Variants in VIPR1 observed in about 807,000 individuals in gnomAD.
The protein encoded by VIPR1 is vasoactive intestinal polypeptide receptor 1.
A neutral mutation model predicts 58.8 loss-of-function variants in VIPR1; 59 were observed. The observed-to-expected ratio is 1.00, with a 90% CI of 0.81 to 1.25. The LOEUF (loss-of-function observed/expected upper bound fraction) is 1.25, where lower values mean the gene tolerates loss of function less well. Ranked by LOEUF, VIPR1 falls within the 50% of genes most tolerant of loss-of-function variation. VIPR1 has a pLI of 0.00. For synonymous variants in VIPR1, 251 were observed against 242.1 expected (o/e 1.04, Z -0.34); for missense variants, 626 against 602.7 (o/e 1.04, Z -0.40).
At chr3:42,523,604 TAC>T (rs60726747) in intron 3 of VIPR1, among the ~76,000 whole-genome samples, 6,763 of 129,504 alleles carry the variant, frequency 0.052, 184 homozygotes, top group Middle Eastern at 0.078. Flanking sequence ...CCTCCGCCAC[TAC>T]ACACACACAC....
At chr3:42,525,844 C>A (rs772561807) in intron 3 of VIPR1, 43 bp from the exon 4 acceptor site, 5 of 1,543,022 alleles carry the variant, frequency 3.2e-6, no homozygotes, top group Non-Finnish European at 2.6e-6. Flanking sequence ...GGTCCCCATG[C>A]TCCCGGCCTC....
chr3:42,494,608 A>G lies in VIPR1; in HGVS notation c.-245+4930A>G, dbSNP rs138107007. ...TGGAACTATGTCCTTTCTCTTGTAT[A>G]TTTCCACTTTCACTTGTGATCAGCC... On this transcript the variant is annotated intron_variant, in intron 1 of 13. Transcript: ENST00000433647. Among the ~76,000 whole-genome samples the G allele has an allele frequency of 2.8e-4, 43 of 152,280 alleles. No individual in the cohort carries two copies. The East Asian group carries it at 7.7e-3, about 27-fold the overall frequency.
At chr3:42,512,571 C>T (rs1454641103) in intron 1 of VIPR1, among the ~76,000 whole-genome samples, 5 of 152,148 alleles carry the variant, frequency 3.3e-5, no homozygotes, top group African/African-American at 4.8e-5. Flanking sequence ...ATCTCTAAGT[C>T]GGCAGGGGAG....
intron 2 of VIPR1, 40 bp downstream of exon 2, chr3:42,513,894 G>A: frequency 6.5e-7 from 1 of 1,534,116 alleles, no homozygotes; most frequent in Non-Finnish European, 8.8e-7. Context: ...CATGCCCCCA[G>A]GGAGCCCAAG....
chr3:42,514,896 C>A (rs890787873), intron 2 of VIPR1, among the ~76,000 whole-genome samples: 1 of 152,196 alleles, frequency 6.6e-6, no homozygotes. Context: ...CCACTTGAAC[C>A]AGACTTGGAG....
At position 42,502,875 on chromosome 3, in the gene VIPR1, G is replaced by A. The variant is rs921738974; in HGVS notation, c.78+62G>A. 8 of 1,170,836 alleles carry A rather than the reference G, an allele frequency of 6.8e-6. No homozygotes were observed. The South Asian group carries it at 1.2e-4, about 18-fold the overall frequency. 72.5% of individuals were successfully genotyped at this position (1,170,836 alleles called of 1,614,324 possible). ...CTGGGGGTTGCGGAGGGCGGGGGAG[G>A]TGGGGGATGGCGGGAGCCGGGCCGT... On this transcript the variant is annotated intron_variant, in intron 1 of 12. Coordinates refer to ENST00000325123, the MANE Select transcript of VIPR1 (RefSeq NM_004624.4).
At chr3:42,510,834 CTG>C (rs984113053) in intron 1 of VIPR1, among the ~76,000 whole-genome samples, 1 of 152,124 alleles carries the variant, frequency 6.6e-6, no homozygotes, top group Non-Finnish European at 1.5e-5. Context: ...GGCTGTGTGT[CTG>C]TGCTGCTGAG....
intron 7 of VIPR1, 177 bp from the exon 8 acceptor site, chr3:42,531,294 C>CCTCAGATG: frequency 1.5e-6 from 1 of 679,968 alleles, no homozygotes; most frequent in East Asian, 2.7e-5. Context: ...AGCTTCACCC[C>CCTCAGATG]CTCAGTGGAG....
intron 10 of VIPR1, chr3:42,532,856 C>T (rs1701643038): frequency 6.1e-6 from 1 of 164,408 alleles, no homozygotes; most frequent in African/African-American, 2.4e-5. Context: ...CACACAGTCC[C>T]CTGCAAAATT....
At chr3:42,493,459 T>C (rs563093082) in intron 1 of VIPR1, among the ~76,000 whole-genome samples, 1 of 152,338 alleles carries the variant, frequency 6.6e-6, no homozygotes, top group African/African-American at 2.4e-5. Flanking sequence ...GCATGGCTGC[T>C]TGCCTGTGGG....
intron 1 of VIPR1, among the ~76,000 whole-genome samples, chr3:42,496,163 G>A (rs1699757355): frequency 6.6e-6 from 1 of 152,082 alleles, no homozygotes; most frequent in Admixed American, 6.5e-5. Context: ...CTTGAACCCG[G>A]GAGGCGGAGG....
rs769082854 is a variant in VIPR1 at position 42,525,915 on chromosome 3, C to A, written c.321C>A (p.Asp107Glu). 14 of 1,613,190 alleles carry A rather than the reference C, an allele frequency of 8.7e-6. 1 individual carries two copies. In the Admixed American group the frequency reaches 2.3e-4, roughly 27 times the overall value. ...QGRNVSRSCT[D>E]EGWTHLEPGP... ...GCAATGTAAGCCGCAGCTGCACCGA[C>A]GAAGGCTGGACGCACCTGGAGCCTG... The change falls in exon 4 of 13, where the codon GAC becomes GAA. Residue 107 changes from aspartate to glutamate, a missense_variant. Transcript: ENST00000325123.
At chr3:42,528,411 A>G (rs1477798141) in intron 6 of VIPR1, 11 of 426,714 alleles carry the variant, frequency 2.6e-5, no homozygotes, top group Non-Finnish European at 3.9e-5. Context: ...CACAGCCCAG[A>G]GCACCTGTCC....
intron 1 of VIPR1, among the ~76,000 whole-genome samples, chr3:42,510,592 G>T (rs1399899559): frequency 6.6e-6 from 1 of 152,182 alleles, no homozygotes; most frequent in African/African-American, 2.4e-5. Context: ...GATTGATGCA[G>T]TCCAGACCAG....
At chr3:42,518,166 T>C (rs1700729359) in intron 2 of VIPR1, among the ~76,000 whole-genome samples, 1 of 152,020 alleles carries the variant, frequency 6.6e-6, no homozygotes, top group South Asian at 2.1e-4. Flanking sequence ...TAAAGTACCA[T>C]GTACATATTC....
At chr3:42,516,854 T>G (rs1700654716) in intron 2 of VIPR1, 1 of 152,194 alleles carries the variant, frequency 6.6e-6, no homozygotes, top group Non-Finnish European at 1.5e-5. Context: ...ATGGAAGCAT[T>G]AAATAAGTTA....
intron 2 of VIPR1, among the ~76,000 whole-genome samples, chr3:42,514,747 G>T (rs2125647195): frequency 6.6e-6 from 1 of 152,164 alleles, no homozygotes. Flanking sequence ...CCTCCTCAGG[G>T]GGCTGGGAGA....
intron 1 of VIPR1, among the ~76,000 whole-genome samples, chr3:42,494,240 T>C (rs546432742): frequency 1.1e-3 from 170 of 152,378 alleles, no homozygotes; most frequent in Middle Eastern, 6.8e-3. Context: ...AATTCATAGA[T>C]TTATATATTT....
Position 42,530,822 on chromosome 3 carries a change from T to C in VIPR1, c.680T>C (p.Met227Thr), listed in dbSNP as rs145387839. The change falls in exon 7 of 13, where the codon ATG becomes ACG. Residue 227 changes from methionine to threonine, a missense_variant. Transcript: ENST00000325123. ...ATGGTCTTTTTCCAATATTGTGTCATGGCTAACTTCTTCTGGCTGCTGGTG... is the reference window on the plus strand; with the variant it reads ...ATGGTCTTTTTCCAATATTGTGTCACGGCTAACTTCTTCTGGCTGCTGGTG... ...AAMVFFQYCV[M>T]ANFFWLLVEG... The C allele has an allele frequency of 7.4e-6, 12 of 1,614,020 alleles. No individual in the cohort carries two copies. Among genetic ancestry groups the C allele is most frequent in the South Asian group, 1.1e-5 (1 of 91,084 alleles).
Sources: allele counts gnomAD v4.1 joint callset (sites outside exome capture counted in the v4.1 genomes callset), GRCh38; gene constraint gnomAD v4.1.1; transcripts MANE v1.5; gene names NCBI Gene and HGNC (gene_info 2026-07-23, HGNC 2026-07-21).